PCCA: variants seen among roughly 807,000 people sequenced by gnomAD.
PCCA encodes the protein propionyl-CoA carboxylase alpha chain, mitochondrial.
In PCCA, 74 loss-of-function variants were observed where a neutral mutation model predicts 101.3. That is an observed-to-expected ratio of 0.73 (90% CI 0.61 to 0.89). The LOEUF (loss-of-function observed/expected upper bound fraction) is 0.89, where lower values mean the gene tolerates loss of function less well. Among genes scored for constraint, PCCA ranks in the 40% least tolerant of loss-of-function variants. PCCA has a pLI of 0.00. For missense variants in PCCA, 891 were observed against 907.0 expected, an observed-to-expected ratio of 0.98 and a Z score of 0.23; for synonymous variants, 294 against 313.6, an observed-to-expected ratio of 0.94 and a Z score of 0.66.
At chr13:100,333,298 G>T (rs2152739913) in intron 17 of PCCA, among the ~76,000 whole-genome samples, 1 of 152,274 alleles carries the variant, frequency 6.6e-6, no homozygotes, top group Non-Finnish European at 1.5e-5. Flanking sequence ...GTTAATCCAG[G>T]ATCCTCTCCA....
intron 5 of PCCA, 34 bp from the exon 6 acceptor site, chr13:100,157,253 A>C (rs752314421): frequency 2.7e-5 from 41 of 1,508,816 alleles, no homozygotes; most frequent in Non-Finnish European, 3.8e-5. Flanking sequence ...GCAATATGAT[A>C]AAATTGAAAG....
intron 6 of PCCA, among the ~76,000 whole-genome samples, chr13:100,203,731 T>C (rs1219124236): frequency 1.3e-5 from 2 of 152,220 alleles, no homozygotes; most frequent in African/African-American, 4.8e-5. Flanking sequence ...ATATTTTATT[T>C]CACTTAGTTT....
At chr13:100,337,993 T>C (rs1051016574) in intron 17 of PCCA, among the ~76,000 whole-genome samples, 1 of 152,248 alleles carries the variant, frequency 6.6e-6, no homozygotes, top group East Asian at 1.9e-4. Context: ...CATGAACTAC[T>C]AAACAGTTTC....
At chr13:100,507,040 G>C (rs1322324754) in intron 21 of PCCA, among the ~76,000 whole-genome samples, 2 of 152,122 alleles carry the variant, frequency 1.3e-5, no homozygotes. Context: ...GAAACAGCCT[G>C]TACTGTTAAC....
At chr13:100,177,213 G>C (rs1366462841) in intron 6 of PCCA, among the ~76,000 whole-genome samples, 1 of 152,196 alleles carries the variant, frequency 6.6e-6, no homozygotes, top group Non-Finnish European at 1.5e-5. Flanking sequence ...CTTGTCAAGT[G>C]ACAGTAAGCA....
intron 18 of PCCA, among the ~76,000 whole-genome samples, chr13:100,350,497 C>T (rs1201712251): frequency 6.6e-6 from 1 of 152,158 alleles, no homozygotes; most frequent in African/African-American, 2.4e-5. Context: ...GCTTGCCTTA[C>T]TTTTTACTGT....
chr13:100,442,853 G>T (rs2080480652), intron 20 of PCCA, among the ~76,000 whole-genome samples: 1 of 152,264 alleles, frequency 6.6e-6, no homozygotes, highest in Non-Finnish European at 1.5e-5. Context: ...GCAGAAGTCT[G>T]GGGGAAGGAA....
chr13:100,309,284 C>T (rs1444216293), intron 15 of PCCA, among the ~76,000 whole-genome samples: 1 of 152,194 alleles, frequency 6.6e-6, no homozygotes, highest in Non-Finnish European at 1.5e-5. Flanking sequence ...GAAATCCCAG[C>T]TTCTCGAGAG....
intron 19 of PCCA, among the ~76,000 whole-genome samples, chr13:100,420,668 C>T (rs1196163367): frequency 2.6e-5 from 4 of 152,124 alleles, no homozygotes; most frequent in Non-Finnish European, 5.9e-5. Context: ...GATATTTGAC[C>T]TTGTTAGTTC....
chr13:100,214,766 G>A (rs2059421711), intron 7 of PCCA, among the ~76,000 whole-genome samples: 1 of 151,998 alleles, frequency 6.6e-6, no homozygotes, highest in African/African-American at 2.4e-5. Context: ...CTTTGGTTAA[G>A]TTTATTCCTA....
chr13:100,145,287 T>C (rs1235392395), intron 4 of PCCA, among the ~76,000 whole-genome samples: 2 of 152,176 alleles, frequency 1.3e-5, no homozygotes, highest in Admixed American at 1.3e-4. Context: ...GACTCTGTCA[T>C]GGGCGACTGT....
At chr13:100,328,888 T>G (rs1323686835) in intron 16 of PCCA, among the ~76,000 whole-genome samples, 3 of 151,660 alleles carry the variant, frequency 2.0e-5, no homozygotes, top group Non-Finnish European at 2.9e-5. Flanking sequence ...GAGATGGGGT[T>G]TCACTGTGTT....
Position 100,515,441 on chromosome 13 carries a change from C to T in PCCA, c.1914C>T (p.Ile638=), listed in dbSNP as rs771857457. 3 of 1,613,956 alleles carry T rather than the reference C, an allele frequency of 1.9e-6. No individual in the cohort carries two copies. In the South Asian group the frequency reaches 3.3e-5, roughly 18 times the overall value. ...QFLGTVYKVN[I]LTRLAAELNK... ...TTTCCCTTAAGTACAAGGTGAATAT[C>T]TTAACCAGACTTGCCGCAGAATTGA... is the stretch of plus-strand genomic sequence containing the variant. Residue 638 remains isoleucine, a synonymous_variant, in exon 22 of 24, where the codon ATC becomes ATT. Transcript: ENST00000376285.
intron 6 of PCCA, among the ~76,000 whole-genome samples, chr13:100,171,815 G>A (rs1046731754): frequency 2.0e-5 from 3 of 152,052 alleles, no homozygotes; most frequent in Non-Finnish European, 2.9e-5. Flanking sequence ...GACAGATCAC[G>A]AGGTCAGGAG....
At chr13:100,303,525 C>T (rs1402734413) in intron 14 of PCCA, among the ~76,000 whole-genome samples, 1 of 151,976 alleles carries the variant, frequency 6.6e-6, no homozygotes, top group Non-Finnish European at 1.5e-5. Flanking sequence ...TATTCCATAG[C>T]TCTTCTGTAT....
chr13:100,235,944 G>A (rs2060776142), intron 8 of PCCA, 66 bp downstream of exon 8: 3 of 929,726 alleles, frequency 3.2e-6, no homozygotes, highest in Admixed American at 3.4e-5. Flanking sequence ...GAGTCAACAG[G>A]TAATAAGTAA....
chr13:100,366,944 A>G (rs926964449), intron 18 of PCCA, among the ~76,000 whole-genome samples: 1 of 152,200 alleles, frequency 6.6e-6, no homozygotes, highest in Admixed American at 6.5e-5. Flanking sequence ...TTGGATTAGA[A>G]GCATAGTTTT....
At chr13:100,112,088 T>G in intron 4 of PCCA, 27 bp downstream of exon 4, 1 of 1,561,048 alleles carries the variant, frequency 6.4e-7, no homozygotes, top group Admixed American at 1.7e-5. Context: ...TTTGTTTAAA[T>G]CAGGACTTAA....
chr13:100,237,939 CTT>C (rs1229413728), intron 8 of PCCA, among the ~76,000 whole-genome samples: 3 of 127,476 alleles, frequency 2.4e-5, no homozygotes, highest in Non-Finnish European at 1.6e-5. Flanking sequence ...TTCTTTCTTT[CTT>C]TTTTTTTTTT....
Sources: allele counts gnomAD v4.1 joint callset (sites outside exome capture counted in the v4.1 genomes callset), GRCh38; gene constraint gnomAD v4.1.1; transcripts MANE v1.5; gene names NCBI Gene and HGNC (gene_info 2026-07-23, HGNC 2026-07-21).